Variants in NLRP13 observed in about 807,000 individuals in gnomAD.
NLRP13 encodes the protein NACHT, LRR and PYD domains-containing protein 13.
NLRP13 carries 82 observed loss-of-function variants against 94.4 expected under a neutral mutation model. The ratio of observed to expected loss-of-function variants is 0.87; its 90% CI spans 0.73 to 1.04. The LOEUF (loss-of-function observed/expected upper bound fraction) is 1.04, where lower values mean the gene tolerates loss of function less well. Among genes scored for constraint, NLRP13 ranks in the 50% least tolerant of loss-of-function variants. The pLI is 0.00. For synonymous variants in NLRP13, 553 were observed against 464.7 expected, an observed-to-expected ratio of 1.19 and a Z score of -2.45; for missense variants, 1,426 against 1,230.8, an observed-to-expected ratio of 1.16 and a Z score of -2.37.
At chr19:55,927,234 T>C (rs895036356) in intron 1 of NLRP13, among the ~76,000 whole-genome samples, 5 of 151,208 alleles carry the variant, frequency 3.3e-5, no homozygotes, top group Non-Finnish European at 7.4e-5. Flanking sequence ...CTGGGTGTGG[T>C]GGTGGGCGCC....
intron 1 of NLRP13, among the ~76,000 whole-genome samples, chr19:55,929,912 A>G (rs1987066761): frequency 6.6e-6 from 1 of 151,990 alleles, no homozygotes. Flanking sequence ...TTAAGACAGT[A>G]AAAAAAAGAA....
intron 3 of NLRP13, among the ~76,000 whole-genome samples, chr19:55,924,368 C>T (rs1277361888): frequency 3.3e-5 from 5 of 152,084 alleles, no homozygotes; most frequent in South Asian, 2.1e-4. Context: ...AGTGATCTGC[C>T]CACCTTGGCC....
downstream of NLRP13, among the ~76,000 whole-genome samples, chr19:55,893,779 G>A (rs535956020): frequency 2.0e-4 from 30 of 152,312 alleles, no homozygotes; most frequent in African/African-American, 7.0e-4. Context: ...TACAAGAGGA[G>A]GCGAGGGTCT....
intron 9 of NLRP13, among the ~76,000 whole-genome samples, chr19:55,899,483 C>CG (rs1157090524): frequency 6.6e-6 from 1 of 152,030 alleles, no homozygotes; most frequent in Non-Finnish European, 1.5e-5. Context: ...CCCACCCCCC[C>CG]CATCCCAAAA....
At chr19:55,898,701 T>C (rs1414510165) in intron 10 of NLRP13, 69 bp downstream of exon 10, 11 of 1,449,776 alleles carry the variant, frequency 7.6e-6, no homozygotes, top group African/African-American at 1.4e-5. Context: ...CCCGATGGGA[T>C]CCGATCATAT....
In NLRP13 at chr19:55,912,692, T is replaced by G; in HGVS notation, c.1125A>C (p.Leu375Phe). The change falls in exon 5 of 11, where the codon TTA becomes TTC. Residue 375 changes from leucine (L) to phenylalanine (F), a missense_variant. Physicochemically the swap from Leu to Phe is conservative, Grantham distance 22 (BLOSUM62 0). Transcript: ENST00000342929. ...TAATTTGTACAAAGCATGGATTCACTAATGAGGCCTTAAGATCTCTCACAA... is the reference window on the plus strand; with the variant it reads ...TAATTTGTACAAAGCATGGATTCACGAATGAGGCCTTAAGATCTCTCACAA... Reference protein sequence around the residue: ...TWFVRDLKASLVNPCFVQITG... With the variant: ...TWFVRDLKASFVNPCFVQITG... The G allele has an allele frequency of 6.2e-7, 1 of 1,614,172 alleles. No homozygotes were observed.
chr19:55,913,146 G>C lies in NLRP13; in HGVS notation c.671C>G (p.Thr224Ser), dbSNP rs1210198136. The C allele has an allele frequency of 1.2e-6, 2 of 1,614,084 alleles. No homozygotes were observed. The highest frequency in any genetic ancestry group is 1.6e-4 in the Middle Eastern group (1 of 6,062). The change falls in exon 5 of 11, where the codon ACT (threonine) becomes AGT (serine). Residue 224 changes from threonine (T) to serine (S), a missense_variant. Transcript: ENST00000342929. ...ELQRLLDPNR[T>S]RAQAQTIVLV... ...GACTATCGTCTGGGCCTGGGCTCTA[G>C]TCCTATTAGGATCCAGTAGGCGCTG...
rs150168405 is a variant in NLRP13 at position 55,912,504 on chromosome 19, G to T, written c.1313C>A (p.Pro438Gln). Residue 438 changes from proline (P) to glutamine (Q), a missense_variant, in exon 5 of 11, where the codon CCG becomes CAG. Transcript: ENST00000342929. ...CWTVCSCLKQ[P>Q]KVRYYDLQSI... is the part of the protein sequence containing the mutation. The stretch of plus-strand genomic sequence containing the variant: ...CTGGAGATCGTAATACCTCACCTTC[G>T]GCTGCTTCAGACAGGAACATACGGT... The T allele has an allele frequency of 4.3e-6, 7 of 1,614,024 alleles. No homozygotes were observed. The African/African-American group carries it at 8.0e-5, about 18-fold the overall frequency.
At chr19:55,927,773 C>G (rs574869380) in intron 1 of NLRP13, among the ~76,000 whole-genome samples, 1 of 152,086 alleles carries the variant, frequency 6.6e-6, no homozygotes, top group Non-Finnish European at 1.5e-5. Flanking sequence ...GAACAGTGAC[C>G]CCAGTTTAAG....
At chr19:55,904,867 C>A in intron 8 of NLRP13, 75 bp downstream of exon 8, 1 of 1,244,830 alleles carries the variant, frequency 8.0e-7, no homozygotes, top group Non-Finnish European at 1.1e-6. Context: ...AAATAGATAT[C>A]AAATGAAGAA....
At position 55,898,928 on chromosome 19, in the gene NLRP13, A is replaced by G. The variant is rs141312732; in HGVS notation, c.2799T>C (p.Gly933=). 3.9e-5 allele frequency: 62 copies of G among 1,604,762 alleles called. No individual in the cohort carries two copies. The highest frequency in any genetic ancestry group is 4.9e-5 in the Non-Finnish European group (58 of 1,177,218). The change falls in exon 10 of 11, where the codon GGT becomes GGC. Residue 933 remains glycine, a synonymous_variant. Transcript: ENST00000342929. Reference sequence around the variant, plus strand: ...CACAGCCCTCTCTTGTGAAAGAACAACCTGACAAACTGCAAAATAAAAACA... The same window carrying G: ...CACAGCCCTCTCTTGTGAAAGAACAGCCTGACAAACTGCAAAATAAAAACA... ...DGNLQSLNLS[G]CSFTREGCGE... is the part of the protein sequence containing the mutation.
intron 6 of NLRP13, among the ~76,000 whole-genome samples, chr19:55,910,014 G>A (rs1034839658): frequency 2.0e-5 from 3 of 152,094 alleles, no homozygotes; most frequent in African/African-American, 4.8e-5. Context: ...TTTGGGAGAT[G>A]CCACCCTCTT....
chr19:55,924,230 C>A (rs1162813809), intron 3 of NLRP13, among the ~76,000 whole-genome samples: 2 of 152,186 alleles, frequency 1.3e-5, no homozygotes, highest in African/African-American at 4.8e-5. Flanking sequence ...TCAAGAGATT[C>A]TCCTGCCTCA....
In NLRP13 at chr19:55,905,119, A is replaced by C. The variant is rs371273689; in HGVS notation, c.2448-7T>G. ...CAAGTTGCATTTCTCCAGGCTGTGG[A>C]AGGTGCAGGTGCAAGGTGAGCCTCA... On this transcript the variant is annotated splice_polypyrimidine_tract_variant and splice_region_variant and intron_variant, in intron 7 of 10. Coordinates refer to ENST00000342929, the MANE Select transcript of NLRP13 (RefSeq NM_176810.2). The C allele has an allele frequency of 4.6e-5, 75 of 1,613,168 alleles. No homozygotes were observed. Among genetic ancestry groups the C allele is most frequent in the Non-Finnish European group, 5.6e-5 (66 of 1,179,706 alleles).
At chr19:55,923,592 G>A (rs2123141831) in intron 4 of NLRP13, among the ~76,000 whole-genome samples, 1 of 152,304 alleles carries the variant, frequency 6.6e-6, no homozygotes. Context: ...TGCCCGCAGT[G>A]CCAGCTTGTC....
chr19:55,893,685 C>T (rs114076335), downstream of NLRP13, among the ~76,000 whole-genome samples: 535 of 152,196 alleles, frequency 3.5e-3, 5 homozygotes, highest in African/African-American at 0.011. Flanking sequence ...GTAACTCAGG[C>T]CATTTTCACT....
chr19:55,912,176 G>A lies in NLRP13; in HGVS notation c.1641C>T (p.Ser547=), dbSNP rs1986536287. The A allele has an allele frequency of 1.2e-6, 2 of 1,614,142 alleles. No homozygotes were observed. The highest frequency in any genetic ancestry group is 2.7e-5 in the African/African-American group (2 of 75,034). The part of the protein sequence containing the change: ...LSFQEFFAAM[S]FVLEEPREFP... ...ATTCTCTAGGTTCCTCTAGCACAAA[G>A]GACATGGCTGCAAAAAACTCCTGGA... The change falls in exon 5 of 11, where the codon TCC becomes TCT. Residue 547 remains serine (S), a synonymous_variant. Transcript: ENST00000342929.
rs147545810 is a variant in NLRP13, at chr19:55,905,173, C to G, written c.2448-61G>C. The G allele has an allele frequency of 5.0e-5, 79 of 1,565,444 alleles. No homozygotes were observed. In the African/African-American group the frequency reaches 9.1e-4, roughly 18 times the overall value. ...ATGATGCCCAGGTTCCTCTACCTTT[C>G]TCTCTCAACCCCTTAACCCCCGAGA... On this transcript the variant is annotated intron_variant, in intron 7 of 10. Coordinates refer to ENST00000342929, the MANE Select transcript of NLRP13 (RefSeq NM_176810.2).
At chr19:55,923,264 T>G (rs1986881001) in intron 4 of NLRP13, among the ~76,000 whole-genome samples, 1 of 152,208 alleles carries the variant, frequency 6.6e-6, no homozygotes, top group Non-Finnish European at 1.5e-5. Context: ...AACCTATTTT[T>G]CTGTAGGAGA....
Sources: gnomAD v4.1 joint callset for allele counts (sites outside exome capture counted in the v4.1 genomes callset) on GRCh38, gnomAD v4.1.1 for gene constraint, MANE v1.5 for transcripts, NCBI Gene and HGNC (gene_info 2026-07-23, HGNC 2026-07-21) for gene names.